Variants in SNX25 observed in about 807,000 individuals in gnomAD.
SNX25 encodes the protein sorting nexin-25.
Under a neutral mutation model 113.7 loss-of-function variants are expected in SNX25, and 62 were observed. That is an observed-to-expected ratio of 0.55 (90% CI 0.44 to 0.67). SNX25 has a LOEUF of 0.67. Among genes scored for constraint, SNX25 ranks in the 30% least tolerant of loss-of-function variants. The pLI, the probability that SNX25 is intolerant of heterozygous loss-of-function variation, is 0.00. For missense variants in SNX25, 1,014 were observed against 1,161.0 expected (o/e 0.87, Z 1.84); for synonymous variants, 421 against 436.2 (o/e 0.97, Z 0.43).
chr4:185,305,374 G>C (rs188740841), intron 6 of SNX25, among the ~76,000 whole-genome samples: 3 of 152,262 alleles, frequency 2.0e-5, no homozygotes, highest in Non-Finnish European at 4.4e-5. Flanking sequence ...ATGATAGCAT[G>C]TTATGAGGGA....
intron 5 of SNX25, among the ~76,000 whole-genome samples, chr4:185,282,018 A>C (rs913001498): frequency 6.6e-6 from 1 of 152,144 alleles, no homozygotes. Context: ...TCCATCTCAA[A>C]ATAAATAAAT....
intron 15 of SNX25, among the ~76,000 whole-genome samples, chr4:185,356,658 T>C (rs951169738): frequency 2.0e-5 from 3 of 152,244 alleles, no homozygotes; most frequent in African/African-American, 7.2e-5. Context: ...TTTTCTATGA[T>C]TTCTATTTGT....
At chr4:185,272,894 A>G (rs752068422) in intron 5 of SNX25, among the ~76,000 whole-genome samples, 1 of 152,178 alleles carries the variant, frequency 6.6e-6, no homozygotes, top group Non-Finnish European at 1.5e-5. Flanking sequence ...AGGTTTCTCA[A>G]CCTTGGTAAA....
intron 6 of SNX25, among the ~76,000 whole-genome samples, chr4:185,305,551 T>A (rs1326811763): frequency 6.6e-6 from 1 of 152,224 alleles, no homozygotes; most frequent in East Asian, 1.9e-4. Flanking sequence ...CGTTAGATGT[T>A]GCTGTTTTTG....
intron 9 of SNX25, 72 bp from the exon 10 acceptor site, chr4:185,332,523 G>A (rs895433159): frequency 1.4e-6 from 2 of 1,386,154 alleles, no homozygotes; most frequent in East Asian, 2.4e-5. Flanking sequence ...TTGCAACAGG[G>A]TATCGTGACC....
intron 2 of SNX25, among the ~76,000 whole-genome samples, chr4:185,256,124 C>T (rs879385280): frequency 3.3e-5 from 5 of 152,122 alleles, no homozygotes; most frequent in African/African-American, 7.2e-5. Context: ...CTTAGTGATA[C>T]GGATATTGAT....
At chr4:185,274,028 A>G (rs1376269100) in intron 5 of SNX25, among the ~76,000 whole-genome samples, 1 of 151,570 alleles carries the variant, frequency 6.6e-6, no homozygotes, top group African/African-American at 2.4e-5. Flanking sequence ...AGCAGGTTGA[A>G]GGCAAGGAAA....
At chr4:185,259,116 G>T in intron 3 of SNX25, 52 bp downstream of exon 3, 1 of 1,498,528 alleles carries the variant, frequency 6.7e-7, no homozygotes, top group South Asian at 1.2e-5. Flanking sequence ...TTTTTTAATT[G>T]AGTAAAAGGT....
chr4:185,305,761 A>G (rs913605813), intron 6 of SNX25, among the ~76,000 whole-genome samples: 1 of 152,204 alleles, frequency 6.6e-6, no homozygotes, highest in African/African-American at 2.4e-5. Flanking sequence ...CTCTGATCTC[A>G]GTAGAACCTA....
chr4:185,315,418 C>T (rs761094670), intron 7 of SNX25, among the ~76,000 whole-genome samples: 6 of 151,178 alleles, frequency 4.0e-5, no homozygotes, highest in East Asian at 2.0e-4. Context: ...CTCAGCCTCC[C>T]GAGTACCTGG....
intron 2 of SNX25, among the ~76,000 whole-genome samples, chr4:185,249,900 G>C (rs1188614511): frequency 6.6e-6 from 1 of 152,056 alleles, no homozygotes; most frequent in Non-Finnish European, 1.5e-5. Context: ...CTGCTTTAAA[G>C]TTCTTTTATG....
intron 6 of SNX25, among the ~76,000 whole-genome samples, chr4:185,301,872 C>T (rs1224980006): frequency 4.6e-5 from 7 of 150,706 alleles, no homozygotes; most frequent in African/African-American, 1.7e-4. Context: ...CAGGCGTGAC[C>T]CACCATGCCT....
At chr4:185,332,957 G>A (rs74750571) in intron 10 of SNX25, among the ~76,000 whole-genome samples, 198 bp downstream of exon 10, 1,902 of 152,268 alleles carry the variant, frequency 0.012, 39 homozygotes, top group African/African-American at 0.043. Context: ...TTCTTTCTCA[G>A]TTTCAACTGT....
chr4:185,241,032 G>T (rs1227296068), intron 1 of SNX25, among the ~76,000 whole-genome samples: 2 of 149,554 alleles, frequency 1.3e-5, no homozygotes, highest in African/African-American at 4.9e-5. Flanking sequence ...CATCCCAGAC[G>T]ATGGGCGGCC....
chr4:185,373,268 C>T (rs952685264), downstream of SNX25, among the ~76,000 whole-genome samples: 4 of 152,172 alleles, frequency 2.6e-5, no homozygotes, highest in South Asian at 2.1e-4. Context: ...CGAGTTCCTC[C>T]GCTGTCTGTC....
intron 11 of SNX25, among the ~76,000 whole-genome samples, chr4:185,369,092 A>G (rs6851813): frequency 6.7e-6 from 1 of 149,972 alleles, no homozygotes; most frequent in African/African-American, 2.4e-5. Context: ...CGGTACCTGG[A>G]CTTTTTTTGT....
In SNX25 at chr4:185,346,478, CTTT is replaced by C. The variant is rs931796715; in HGVS notation, c.2188-55_2188-53del. 15 of 1,153,148 alleles carry C rather than the reference CTTT, an allele frequency of 1.3e-5. No homozygotes were observed. The African/African-American group carries it at 1.7e-4, about 13-fold the overall frequency. The allele number at this position is 1,153,148 out of a possible 1,614,324, so 71.4% of individuals were successfully genotyped here. A position where few individuals can be genotyped will look rare whatever the true frequency, so the allele number is the denominator to read the frequency against. On this transcript the variant is annotated intron_variant, in intron 12 of 18. Coordinates refer to ENST00000652585, the MANE Select transcript of SNX25 (RefSeq NM_001378034.2). ...TTTTGTTCTAATTGTTATTCTAAAT[CTTT>C]TTTAAGATTAAAATGTAATTTCAAA...
At position 185,232,452 on chromosome 4, in the gene SNX25, A is replaced by T. The variant is rs1158901445; in HGVS notation, c.430-14842A>T. Among the ~76,000 whole-genome samples the T allele has an allele frequency of 6.6e-6, 1 of 151,926 alleles. No homozygotes were observed. The highest frequency in any genetic ancestry group is 1.5e-5 in the Non-Finnish European group (1 of 68,014). On this transcript the variant is annotated intron_variant, in intron 1 of 18. Transcript: ENST00000652585. The surrounding 1 kb of genome is among the most constrained non-coding windows in gnomAD (Gnocchi z 4.4). ...CTCCTCTGCATCCTGTTTGCTTATC[A>T]TGACTTTCTAGGTGCATGAGCCGTG... is the stretch of plus-strand genomic sequence containing the variant.
intron 5 of SNX25, among the ~76,000 whole-genome samples, chr4:185,270,008 G>C (rs920256657): frequency 6.6e-6 from 1 of 150,814 alleles, no homozygotes; most frequent in East Asian, 1.9e-4. Flanking sequence ...TCTTCAAAAT[G>C]TACCAGCCAA....
Sources: allele counts gnomAD v4.1 joint callset (sites outside exome capture counted in the v4.1 genomes callset), GRCh38; gene constraint gnomAD v4.1.1; non-coding constraint Gnocchi (gnomAD v3.1); transcripts MANE v1.5; gene names NCBI Gene and HGNC (gene_info 2026-07-23, HGNC 2026-07-21).